Variants in LMOD1 observed in about 807,000 individuals in gnomAD.
LMOD1 encodes the protein leiomodin 1, also known as leiomodin-1.
Under a neutral mutation model 36.5 loss-of-function variants are expected in LMOD1, and 8 were observed. That is an observed-to-expected ratio of 0.22 (90% CI 0.13 to 0.40). The LOEUF is 0.40. LMOD1 is among the 10% of genes least tolerant of loss of function. The pLI, the probability that LMOD1 is intolerant of heterozygous loss-of-function variation, is 1.00. For synonymous variants in LMOD1, 284 were observed against 288.7 expected (o/e 0.98, Z 0.17); for missense variants, 630 against 751.1 (o/e 0.84, Z 1.88).
At chr1:201,927,815 G>C (rs994627640) in intron 1 of LMOD1, among the ~76,000 whole-genome samples, 4 of 152,136 alleles carry the variant, frequency 2.6e-5, no homozygotes. Context: ...CCATTATATA[G>C]AGTTAATTTC....
intron 1 of LMOD1, among the ~76,000 whole-genome samples, chr1:201,935,518 C>G (rs1375522021): frequency 2.0e-5 from 3 of 152,056 alleles, no homozygotes; most frequent in Non-Finnish European, 4.4e-5. Flanking sequence ...CACACCTGTA[C>G]ACCTGTAATC....
intron 1 of LMOD1, among the ~76,000 whole-genome samples, chr1:201,915,698 C>T (rs1197062836): frequency 2.6e-5 from 4 of 152,138 alleles, no homozygotes; most frequent in African/African-American, 4.8e-5. Flanking sequence ...TATACTCCCT[C>T]GTTACCTGCA....
At position 201,899,504 on chromosome 1, in the gene LMOD1, G is replaced by A. The variant is rs374231570; in HGVS notation, c.1509C>T (p.Ala503=). The change falls in exon 2 of 3, where the codon GCC becomes GCT. Residue 503 remains alanine, a synonymous_variant. Coordinates refer to ENST00000367288, the MANE Select transcript of LMOD1 (RefSeq NM_012134.3). This position sits in a 1 kb window ranked among gnomAD's most constrained non-coding sequence, Gnocchi z 6.3. ...AAGGTTTTGGGGAGCCCTTAGCCACGGCCCCGGCCTTGGGTACCTCCAGCA... is the reference window on the plus strand; with the variant it reads ...AAGGTTTTGGGGAGCCCTTAGCCACAGCCCCGGCCTTGGGTACCTCCAGCA... ...KDLLEVPKAG[A]VAKGSPKPSP... 61 of 1,613,836 alleles carry A rather than the reference G, an allele frequency of 3.8e-5. No homozygotes were observed. Among genetic ancestry groups the A allele is most frequent in the Non-Finnish European group, 5.1e-5 (60 of 1,179,886 alleles).
At chr1:201,910,652 C>G (rs188355944) in intron 1 of LMOD1, among the ~76,000 whole-genome samples, 1 of 150,054 alleles carries the variant, frequency 6.7e-6, no homozygotes, top group Admixed American at 6.7e-5. Flanking sequence ...TTAACTGCTG[C>G]AAATTCACTA....
At chr1:201,919,870 A>T (rs937873088) in intron 1 of LMOD1, among the ~76,000 whole-genome samples, 7 of 152,028 alleles carry the variant, frequency 4.6e-5, no homozygotes, top group Non-Finnish European at 1.5e-5. Flanking sequence ...GGGAGCCACC[A>T]ATCAGCATCC....
intron 1 of LMOD1, among the ~76,000 whole-genome samples, chr1:201,942,190 T>A (rs951411146): frequency 6.6e-5 from 10 of 152,276 alleles, no homozygotes; most frequent in Non-Finnish European, 1.3e-4. Flanking sequence ...TAACATTCAC[T>A]CAACAAACAG....
At chr1:201,913,166 C>T (rs536349400) in intron 1 of LMOD1, among the ~76,000 whole-genome samples, 53 of 152,282 alleles carry the variant, frequency 3.5e-4, no homozygotes, top group African/African-American at 1.2e-3. Flanking sequence ...TTCACCCTTT[C>T]TCCCAAAGGA....
At position 201,917,114 on chromosome 1, in the gene LMOD1, G is replaced by A. The variant is rs536411942; in HGVS notation, c.262-16363C>T. On this transcript the variant is annotated intron_variant, in intron 1 of 2. Transcript: ENST00000367288. ...GAAAAGACAAGGATAATGTGCAGAT[G>A]TGGGTGGCTGGGCACTTACACTGCA... Among the ~76,000 whole-genome samples, 5 of 152,300 alleles carry A rather than the reference G, an allele frequency of 3.3e-5. No individual in the cohort carries two copies. In the East Asian group the frequency reaches 9.6e-4, roughly 29 times the overall value.
chr1:201,914,989 A>G (rs1163865752), intron 1 of LMOD1, among the ~76,000 whole-genome samples: 2 of 151,956 alleles, frequency 1.3e-5, no homozygotes, highest in Non-Finnish European at 2.9e-5. Context: ...TCATTCCTCA[A>G]TCCAACACAC....
Position 201,899,104 on chromosome 1 carries a change from C to T in LMOD1, c.1776+133G>A. ...GATGCATGAGATGACCTGAAGTCCCCTATGGGCCCTGGGAGTCTATATCAT... is the reference window on the plus strand; with the variant it reads ...GATGCATGAGATGACCTGAAGTCCCTTATGGGCCCTGGGAGTCTATATCAT... On this transcript the variant is annotated intron_variant, in intron 2 of 2. Coordinates refer to ENST00000367288, the MANE Select transcript of LMOD1 (RefSeq NM_012134.3). This position sits in a 1 kb window ranked among gnomAD's most constrained non-coding sequence, Gnocchi z 6.3. 3.8e-6 allele frequency: 3 copies of T among 788,186 alleles called. No homozygotes were observed. Among genetic ancestry groups the T allele is most frequent in the Non-Finnish European group, 5.9e-6 (3 of 510,762 alleles). 48.8% of individuals were successfully genotyped at this position (788,186 alleles called of 1,614,324 possible). A position where few individuals can be genotyped will look rare whatever the true frequency, so the allele number is the denominator to read the frequency against.
Position 201,900,436 on chromosome 1 carries a change from C to T in LMOD1, c.577G>A (p.Gly193Arg). The T allele has an allele frequency of 3.8e-6, 6 of 1,592,172 alleles. No homozygotes were observed. Among genetic ancestry groups the T allele is most frequent in the Non-Finnish European group, 5.1e-6 (6 of 1,168,912 alleles). Residue 193 changes from glycine to arginine, a missense_variant, in exon 2 of 3, where the codon GGG becomes AGG. Gly to Arg is a moderately radical substitution (Grantham distance 125). Coordinates refer to ENST00000367288, the MANE Select transcript of LMOD1 (RefSeq NM_012134.3). ...VATKKEEEKK[G>R]SDRNTGLSRD... ...CTCAAGCCTGTGTTCCTGTCACTCCCTTTCTTCTCCTCTTCCTTCTTGGTG... is the reference window on the plus strand; with the variant it reads ...CTCAAGCCTGTGTTCCTGTCACTCCTTTTCTTCTCCTCTTCCTTCTTGGTG...
chr1:201,900,666 C>A lies in LMOD1; in HGVS notation c.347G>T (p.Arg116Ile), dbSNP rs752846042. 6.2e-6 allele frequency: 10 copies of A among 1,613,956 alleles called. 1 individual carries two copies. In the South Asian group the frequency reaches 1.1e-4, roughly 18 times the overall value. ...CTCCTTCCCCAGATCTGAGTCCCGTCTGGGGCCCAGGGCTTTTTTGCTGGC... is the reference window on the plus strand; with the variant it reads ...CTCCTTCCCCAGATCTGAGTCCCGTATGGGGCCCAGGGCTTTTTTGCTGGC... ...RDASKKALGPRRDSDLGKEPK... is the reference protein window; with the variant it reads ...RDASKKALGPIRDSDLGKEPK... The change falls in exon 2 of 3, where the codon AGA becomes ATA. Residue 116 changes from arginine (R) to isoleucine (I), a missense_variant. Arg to Ile is a moderately conservative substitution (Grantham distance 97, BLOSUM62 -3). Transcript: ENST00000367288.
intron 1 of LMOD1, among the ~76,000 whole-genome samples, chr1:201,905,184 G>A (rs1571576081): frequency 6.6e-6 from 1 of 152,220 alleles, no homozygotes; most frequent in Non-Finnish European, 1.5e-5. Flanking sequence ...GGGTGGTTTG[G>A]GAGTCCCTGG....
At chr1:201,929,230 G>A (rs951858229) in intron 1 of LMOD1, among the ~76,000 whole-genome samples, 1 of 152,084 alleles carries the variant, frequency 6.6e-6, no homozygotes, top group Admixed American at 6.6e-5. Context: ...AGCCTCCCAA[G>A]TAACTGGGAT....
intron 1 of LMOD1, among the ~76,000 whole-genome samples, chr1:201,910,341 A>G (rs1383235256): frequency 1.3e-5 from 2 of 149,560 alleles, no homozygotes; most frequent in African/African-American, 4.9e-5. Context: ...TGGCGCAATC[A>G]TGGCTCACTG....
At chr1:201,901,557 TATATATGTATATATATATATATATATAC>T (rs1681311359) in intron 1 of LMOD1, among the ~76,000 whole-genome samples, 2 of 36,164 alleles carry the variant, frequency 5.5e-5, no homozygotes, top group African/African-American at 3.2e-4. Context: ...TATATACATA[TATATATGTATATATATATATATATATAC>T]ATATATATAT....
At chr1:201,909,008 C>T (rs950670071) in intron 1 of LMOD1, among the ~76,000 whole-genome samples, 2 of 152,248 alleles carry the variant, frequency 1.3e-5, no homozygotes, top group African/African-American at 4.8e-5. Context: ...CATGTGGGCA[C>T]AGCCTCCCAC....
intron 1 of LMOD1, among the ~76,000 whole-genome samples, chr1:201,929,362 A>G (rs1319927861): frequency 6.6e-6 from 1 of 152,096 alleles, no homozygotes. Context: ...GATTACAGGC[A>G]TGAGCCACCA....
chr1:201,940,680 G>A (rs1682099542), intron 1 of LMOD1, among the ~76,000 whole-genome samples: 1 of 151,352 alleles, frequency 6.6e-6, no homozygotes, highest in South Asian at 2.1e-4. Context: ...CCGCCTCCCG[G>A]GTCAAGTGAT....
Sources: allele counts gnomAD v4.1 joint callset (sites outside exome capture counted in the v4.1 genomes callset), GRCh38; gene constraint gnomAD v4.1.1; non-coding constraint Gnocchi (gnomAD v3.1); transcripts MANE v1.5; gene names NCBI Gene and HGNC (gene_info 2026-07-23, HGNC 2026-07-21).